The following XKR4 variants were observed in gnomAD, a reference collection of about 807,000 sequenced individuals.
XKR4 encodes the protein XK related 4.
XKR4 carries 12 observed loss-of-function variants against 53.9 expected under a neutral mutation model. The ratio of observed to expected loss-of-function variants is 0.22; its 90% CI spans 0.14 to 0.36. The LOEUF (loss-of-function observed/expected upper bound fraction) is 0.36. Ranked by LOEUF, XKR4 falls within the 10% of genes least tolerant of loss-of-function variation. The pLI is 1.00. For missense variants in XKR4, 799 were observed against 859.5 expected (o/e 0.93, Z 0.88); for synonymous variants, 354 against 362.4 (o/e 0.98, Z 0.26).
chr8:55,395,301 G>A (rs191900128), intron 2 of XKR4, among the ~76,000 whole-genome samples: 116 of 152,064 alleles, frequency 7.6e-4, no homozygotes, highest in Middle Eastern at 6.8e-3. Context: ...TGATTGGATC[G>A]GGGCTCACGC....
intron 2 of XKR4, among the ~76,000 whole-genome samples, chr8:55,429,337 T>A (rs1805064624): frequency 6.6e-6 from 1 of 152,042 alleles, no homozygotes; most frequent in South Asian, 2.1e-4. Flanking sequence ...AAGATAATAC[T>A]GATGAAAACC....
chr8:55,524,329 A>G lies in XKR4; in HGVS notation c.*102A>G. 8.5e-7 allele frequency: 1 copy of G among 1,177,996 alleles called. No individual in the cohort carries two copies. Among genetic ancestry groups the G allele is most frequent in the Non-Finnish European group, 1.2e-6 (1 of 843,508 alleles). 73.0% of individuals were successfully genotyped at this position (1,177,996 alleles called of 1,614,324 possible). On this transcript the variant is annotated 3_prime_UTR_variant, in exon 3 of 3. Coordinates refer to ENST00000327381, the MANE Select transcript of XKR4 (RefSeq NM_052898.2). ...CCTAGAGCAGGGCAGTGAGCCGTGA[A>G]GTTCCTAGTGGGACCGTCATCACCA...
intron 2 of XKR4, among the ~76,000 whole-genome samples, chr8:55,472,716 C>T (rs974614257): frequency 6.6e-6 from 1 of 152,052 alleles, no homozygotes; most frequent in African/African-American, 2.4e-5. Flanking sequence ...ATTCTGAGGT[C>T]ACCACTGAAC....
rs1435829692 is a variant in XKR4 at position 55,314,323 on chromosome 8, G to A, written c.807-43355G>A. On this transcript the variant is annotated intron_variant, in intron 1 of 2. Transcript: ENST00000327381. ...TAATTCAATTACATCCCAGCCCCAG[G>A]CATGCAAGTTCCAACCCCAGGAGAC... 2.0e-5 allele frequency among the ~76,000 whole-genome samples: 3 copies of A among 152,132 alleles called. No individual in the cohort carries two copies. In the South Asian group the frequency reaches 6.2e-4, roughly 32 times the overall value.
chr8:55,352,822 AG>A (rs1356149340), intron 1 of XKR4, among the ~76,000 whole-genome samples: 2 of 152,222 alleles, frequency 1.3e-5, no homozygotes, highest in African/African-American at 2.4e-5. Context: ...ACTTTAGTAA[AG>A]GGAGAGGAAA....
intron 1 of XKR4, chr8:55,161,411 A>T: frequency 2.5e-6 from 1 of 398,382 alleles, no homozygotes; most frequent in Non-Finnish European, 4.9e-6. Context: ...GACTGTCATA[A>T]TTCCCTGCTT....
chr8:55,205,760 A>C (rs2129362820), intron 1 of XKR4, among the ~76,000 whole-genome samples: 1 of 152,322 alleles, frequency 6.6e-6, no homozygotes, highest in South Asian at 2.1e-4. Context: ...ATGATGAGAA[A>C]ATGTACGTCC....
At chr8:55,360,973 T>C (rs950462252) in intron 2 of XKR4, among the ~76,000 whole-genome samples, 1 of 152,212 alleles carries the variant, frequency 6.6e-6, no homozygotes, top group African/African-American at 2.4e-5. Context: ...CAGTTTGGCA[T>C]CTGTTCAGAG....
intron 2 of XKR4, among the ~76,000 whole-genome samples, chr8:55,460,956 C>A (rs893377878): frequency 6.6e-6 from 1 of 152,236 alleles, no homozygotes; most frequent in African/African-American, 2.4e-5. Flanking sequence ...ATTGCTCAGG[C>A]TTGAGTAGGT....
intron 2 of XKR4, among the ~76,000 whole-genome samples, chr8:55,506,684 C>A (rs1585611016): frequency 6.6e-6 from 1 of 152,200 alleles, no homozygotes; most frequent in East Asian, 1.9e-4. Flanking sequence ...CTGCTTGACT[C>A]AGACATGAAG....
At chr8:55,463,188 C>T (rs1805690950) in intron 2 of XKR4, among the ~76,000 whole-genome samples, 1 of 152,204 alleles carries the variant, frequency 6.6e-6, no homozygotes, top group Non-Finnish European at 1.5e-5. Flanking sequence ...TTCAGCACTA[C>T]ACCACACCTA....
intron 2 of XKR4, among the ~76,000 whole-genome samples, chr8:55,365,210 G>A (rs1490666318): frequency 6.6e-6 from 1 of 152,182 alleles, no homozygotes; most frequent in Admixed American, 6.5e-5. Flanking sequence ...CCACTCTTCC[G>A]CAGCCTGCTG....
At chr8:55,103,596 G>A (rs1048017744) in intron 1 of XKR4, among the ~76,000 whole-genome samples, 2 of 151,602 alleles carry the variant, frequency 1.3e-5, no homozygotes, top group South Asian at 2.1e-4. Context: ...CCCCCTCCCC[G>A]CTTCCCCATT....
chr8:55,311,548 T>A (rs1444819251), intron 1 of XKR4, among the ~76,000 whole-genome samples: 1 of 152,012 alleles, frequency 6.6e-6, no homozygotes, highest in Non-Finnish European at 1.5e-5. Context: ...GTGAATCAGG[T>A]GAGTTAATTT....
chr8:55,374,330 C>A (rs924679693), intron 2 of XKR4, among the ~76,000 whole-genome samples: 1 of 152,218 alleles, frequency 6.6e-6, no homozygotes, highest in African/African-American at 2.4e-5. Context: ...GGGGGAGCAG[C>A]ATATGAATAA....
chr8:55,459,895 A>G (rs954873086), intron 2 of XKR4, among the ~76,000 whole-genome samples: 5 of 152,150 alleles, frequency 3.3e-5, no homozygotes. Flanking sequence ...TAATAATATT[A>G]ATGTATGACC....
At chr8:55,294,418 C>T (rs1173437784) in intron 1 of XKR4, among the ~76,000 whole-genome samples, 3 of 152,178 alleles carry the variant, frequency 2.0e-5, no homozygotes, top group Non-Finnish European at 1.5e-5. Context: ...TCAGCACACA[C>T]GCTAATCTCC....
chr8:55,252,100 G>A (rs547095677), intron 1 of XKR4, among the ~76,000 whole-genome samples: 69 of 152,294 alleles, frequency 4.5e-4, no homozygotes, highest in African/African-American at 1.6e-3. Context: ...TTGTAAAAAT[G>A]TTATTCACCC....
intron 1 of XKR4, among the ~76,000 whole-genome samples, chr8:55,180,351 A>G (rs1817291030): frequency 6.6e-6 from 1 of 152,200 alleles, no homozygotes; most frequent in East Asian, 1.9e-4. Context: ...AGGAAAATGA[A>G]TATGCAATGT....
Sources: gnomAD v4.1 joint callset for allele counts (sites outside exome capture counted in the v4.1 genomes callset) on GRCh38, gnomAD v4.1.1 for gene constraint, MANE v1.5 for transcripts, NCBI Gene and HGNC (gene_info 2026-07-23, HGNC 2026-07-21) for gene names.